Variants in PAM observed in about 807,000 individuals in gnomAD.
PAM encodes peptidylglycine alpha-amidating monooxygenase.
A neutral mutation model predicts 122.1 loss-of-function variants in PAM; 72 were observed. That is an observed-to-expected ratio of 0.59 (90% CI 0.49 to 0.72). The LOEUF is 0.72. Among genes scored for constraint, PAM ranks in the 30% least tolerant of loss-of-function variants. The pLI is 0.00. For synonymous variants in PAM, 389 were observed against 404.4 expected, an observed-to-expected ratio of 0.96 and a Z score of 0.46; for missense variants, 1,106 against 1,183.7, an observed-to-expected ratio of 0.93 and a Z score of 0.96.
intron 3 of PAM, among the ~76,000 whole-genome samples, chr5:102,895,134 G>A (rs1011715851): frequency 1.2e-4 from 18 of 151,864 alleles, no homozygotes; most frequent in African/African-American, 4.3e-4. Context: ...CTGTCTGTGT[G>A]TACTGGCTTT....
intron 3 of PAM, among the ~76,000 whole-genome samples, chr5:102,874,146 CT>C (rs971280723): frequency 3.3e-5 from 5 of 152,064 alleles, no homozygotes; most frequent in African/African-American, 4.8e-5. Flanking sequence ...CCACCAAGCC[CT>C]TTTTTTGTTT....
chr5:102,935,543 T>C (rs1420855441), intron 7 of PAM, among the ~76,000 whole-genome samples: 1 of 152,168 alleles, frequency 6.6e-6, no homozygotes, highest in Non-Finnish European at 1.5e-5. Context: ...GCAGGGCAGA[T>C]ATCTAGAAAT....
rs1357968812 is a variant in PAM at position 102,839,119 on chromosome 5, T to C, written c.-373-26704T>C. On this transcript the variant is annotated intron_variant, in intron 1 of 25. Transcript: ENST00000438793. ...CAGAACCACCACCCAGGTCAAGAAA[T>C]AGAACATTACTAATATCCCAGAAGC... 7.9e-5 allele frequency among the ~76,000 whole-genome samples: 12 copies of C among 152,226 alleles called. No homozygotes were observed. The East Asian group carries it at 2.3e-3, about 29-fold the overall frequency.
chr5:102,910,533 A>G (rs1266810284), intron 4 of PAM, among the ~76,000 whole-genome samples: 1 of 151,888 alleles, frequency 6.6e-6, no homozygotes, highest in African/African-American at 2.4e-5. Context: ...GGCAATCTGA[A>G]CTGTTAGCTC....
At chr5:102,992,609 C>CG (rs909820324) in intron 16 of PAM, among the ~76,000 whole-genome samples, 4 of 151,996 alleles carry the variant, frequency 2.6e-5, no homozygotes, top group African/African-American at 9.7e-5. Context: ...TGAAGTATAT[C>CG]GGGTTTTTTT....
intron 22 of PAM, 47 bp downstream of exon 22, chr5:103,017,480 T>C (rs760258185): frequency 8.8e-7 from 1 of 1,139,818 alleles, no homozygotes; most frequent in Admixed American, 1.8e-5. Flanking sequence ...TCAGTTTGAT[T>C]GCTTAAAAGC....
At chr5:102,932,132 A>C (rs1198992688) in intron 7 of PAM, among the ~76,000 whole-genome samples, 2 of 152,214 alleles carry the variant, frequency 1.3e-5, no homozygotes, top group Non-Finnish European at 2.9e-5. Flanking sequence ...AATTTTCCAG[A>C]ATGCTAAGGT....
chr5:102,925,727 CAG>C (rs1749196193), intron 6 of PAM, among the ~76,000 whole-genome samples: 1 of 151,278 alleles, frequency 6.6e-6, no homozygotes, highest in Non-Finnish European at 1.5e-5. Context: ...TTGAAACTAA[CAG>C]GGAGGTCTGT....
At chr5:102,985,381 A>G (rs1771453811) in intron 15 of PAM, among the ~76,000 whole-genome samples, 1 of 152,150 alleles carries the variant, frequency 6.6e-6, no homozygotes, top group South Asian at 2.1e-4. Flanking sequence ...AAAAGGTGGC[A>G]TAGCAACAAA....
chr5:102,984,021 T>A (rs1240022581), intron 15 of PAM, among the ~76,000 whole-genome samples: 1 of 152,112 alleles, frequency 6.6e-6, no homozygotes, highest in African/African-American at 2.4e-5. Flanking sequence ...AGTCCAGATT[T>A]TACCTCTATA....
intron 7 of PAM, among the ~76,000 whole-genome samples, chr5:102,936,440 C>T (rs577226678): frequency 6.6e-6 from 1 of 152,066 alleles, no homozygotes; most frequent in Non-Finnish European, 1.5e-5. Flanking sequence ...TACTGACATC[C>T]TTAATGTGCA....
At chr5:102,931,074 A>G (rs995696633) in intron 7 of PAM, among the ~76,000 whole-genome samples, 1 of 152,216 alleles carries the variant, frequency 6.6e-6, no homozygotes, top group African/African-American at 2.4e-5. Context: ...ATACCTTTAT[A>G]TAAATAAAGG....
chr5:103,020,222 T>C (rs1443059566), intron 23 of PAM, among the ~76,000 whole-genome samples: 1 of 152,090 alleles, frequency 6.6e-6, no homozygotes, highest in Non-Finnish European at 1.5e-5. Flanking sequence ...TAATAGGCCC[T>C]AATATAAAGG....
At chr5:103,020,128 G>GA (rs1017043972) in intron 23 of PAM, among the ~76,000 whole-genome samples, 1 of 151,782 alleles carries the variant, frequency 6.6e-6, no homozygotes, top group East Asian at 1.9e-4. Flanking sequence ...ATTCCGAGAA[G>GA]AAAAAAAGTC....
intron 1 of PAM, among the ~76,000 whole-genome samples, chr5:102,779,912 T>TAG (rs1179087816): frequency 1.5e-5 from 1 of 67,916 alleles, no homozygotes; most frequent in African/African-American, 6.3e-5. Flanking sequence ...TATATATATA[T>TAG]ATATATACAC....
In PAM at chr5:102,949,918, A is replaced by G; in HGVS notation, c.741A>G (p.Gly247=). ...TTATTACAGGTAAGGTAGTAAGTGG[A>G]TACAGAGTAAGAAATGGACAGTGGA... is the stretch of plus-strand genomic sequence containing the variant. ...HTHHLGKVVS[G]YRVRNGQWTL... The change falls in exon 11 of 26, where the codon GGA becomes GGG. Residue 247 remains glycine (G), a synonymous_variant. Coordinates refer to ENST00000438793, the MANE Select transcript of PAM (RefSeq NM_001177306.2). 6.4e-7 allele frequency: 1 copy of G among 1,572,790 alleles called. No homozygotes were observed. Among genetic ancestry groups the G allele is most frequent in the Non-Finnish European group, 8.7e-7 (1 of 1,143,350 alleles).
intron 1 of PAM, among the ~76,000 whole-genome samples, chr5:102,843,137 G>C (rs1378874113): frequency 6.6e-6 from 1 of 152,160 alleles, no homozygotes; most frequent in Non-Finnish European, 1.5e-5. Context: ...CTAAGGACTT[G>C]ACCCATGAGT....
chr5:102,966,286 T>A (rs1047462556), intron 14 of PAM, among the ~76,000 whole-genome samples: 6 of 152,148 alleles, frequency 3.9e-5, no homozygotes, highest in Non-Finnish European at 8.8e-5. Context: ...ATTGGTTTCC[T>A]AATAACGGAA....
intron 25 of PAM, 48 bp downstream of exon 25, chr5:103,028,286 C>A: frequency 1.6e-6 from 2 of 1,271,012 alleles, no homozygotes; most frequent in Non-Finnish European, 2.3e-6. Flanking sequence ...TCAAAGTCAA[C>A]AAGCACATGT....
Sources: gnomAD v4.1 joint callset for allele counts (sites outside exome capture counted in the v4.1 genomes callset) on GRCh38, gnomAD v4.1.1 for gene constraint, MANE v1.5 for transcripts, NCBI Gene and HGNC (gene_info 2026-07-23, HGNC 2026-07-21) for gene names.